Variants in NCBP3 observed in about 807,000 individuals in gnomAD.
NCBP3 encodes nuclear cap binding subunit 3, also known as nuclear cap-binding protein subunit 3.
A neutral mutation model predicts 75.7 loss-of-function variants in NCBP3; 20 were observed. The observed-to-expected ratio is 0.26, with a 90% CI of 0.19 to 0.38. NCBP3 has a LOEUF of 0.38. Ranked by LOEUF, NCBP3 falls within the 10% of genes least tolerant of loss-of-function variation. NCBP3 has a pLI of 1.00. For synonymous variants in NCBP3, 293 were observed against 290.5 expected (o/e 1.01, Z -0.09); for missense variants, 678 against 796.9 (o/e 0.85, Z 1.80).
chr17:3,832,543 ATCAC>A, intron 3 of NCBP3, among the ~76,000 whole-genome samples: 1 of 136,026 alleles, frequency 7.4e-6, no homozygotes, highest in South Asian at 2.6e-4. Flanking sequence ...AGGCAGGAGA[ATCAC>A]TTGAACCCGG....
In NCBP3 at chr17:3,821,243, A is replaced by C. The variant is rs748606831; in HGVS notation, c.1000+6T>G. The C allele has an allele frequency of 1.7e-5, 27 of 1,607,394 alleles. No individual in the cohort carries two copies. Among genetic ancestry groups the C allele is most frequent in the Non-Finnish European group, 2.2e-5 (26 of 1,174,032 alleles). On this transcript the variant is annotated splice_donor_region_variant and intron_variant, in intron 9 of 12. Transcript: ENST00000389005. ...GTGTCTACCCAAGAGCTGAGCAGGC[A>C]ACTACCAGAATGTCGATGTTTATAC...
intron 2 of NCBP3, among the ~76,000 whole-genome samples, chr17:3,840,728 C>T (rs539514982): frequency 1.3e-5 from 2 of 152,304 alleles, no homozygotes; most frequent in South Asian, 2.1e-4. Context: ...ACACCTATCA[C>T]GCTCTTCCAC....
chr17:3,843,220 T>G, intron 1 of NCBP3, 69 bp from the exon 2 acceptor site: 3 of 1,232,278 alleles, frequency 2.4e-6, no homozygotes, highest in Non-Finnish European at 3.4e-6. Flanking sequence ...AAAGTCGGCC[T>G]GACATCTGCA....
intron 3 of NCBP3, among the ~76,000 whole-genome samples, chr17:3,835,902 C>T (rs2053964503): frequency 6.6e-6 from 1 of 152,230 alleles, no homozygotes; most frequent in African/African-American, 2.4e-5. Context: ...CAGTTAGGAA[C>T]ACACGTTTCA....
chr17:3,812,754 G>T lies in NCBP3; in HGVS notation c.*290C>A. 1 of 1,227,558 alleles carries T rather than the reference G, an allele frequency of 8.1e-7. No homozygotes were observed. The highest frequency in any genetic ancestry group is 1.0e-6 in the Non-Finnish European group (1 of 976,158). The allele number at this position is 1,227,558 out of a possible 1,614,324, so 76.0% of individuals were successfully genotyped here. ...AAAGACACAATGTTAAAAATATTAA[G>T]AAAAATGTCTACAAAATCTGGAGGG... On this transcript the variant is annotated 3_prime_UTR_variant, in exon 13 of 13. Coordinates refer to ENST00000389005, the MANE Select transcript of NCBP3 (RefSeq NM_001114118.3).
Position 3,803,326 on chromosome 17 carries a change from G to A in NCBP3, c.*9718C>T, listed in dbSNP as rs2053296760. 6.6e-6 allele frequency: 1 copy of A among 152,234 alleles called. No individual in the cohort carries two copies. Among genetic ancestry groups the A allele is most frequent in the South Asian group, 2.1e-4 (1 of 4,828 alleles). The allele number at this position is 152,234 out of a possible 1,614,324, so 9.4% of individuals were successfully genotyped here. ...GGAGGCTGCAGAGAGGACAACTAAA[G>A]GCAGCGCTTGATCCTGGATTGGATC... On this transcript the variant is annotated 3_prime_UTR_variant, in exon 13 of 13. Transcript: ENST00000389005.
In NCBP3 at chr17:3,843,162, G is replaced by C. The variant is rs2054096160; in HGVS notation, c.184-11C>G. On this transcript the variant is annotated splice_polypyrimidine_tract_variant and intron_variant, in intron 1 of 12. Transcript: ENST00000389005. ...TCTTCTGCTCGTGTCCTAACACAAA[G>C]GGGAAGGGTGAGAAATTCAGACAGC... The C allele has an allele frequency of 6.4e-7, 1 of 1,550,890 alleles. No homozygotes were observed. The highest frequency in any genetic ancestry group is 8.7e-7 in the Non-Finnish European group (1 of 1,146,456).
At chr17:3,844,366 G>C (rs16953525) in intron 1 of NCBP3, among the ~76,000 whole-genome samples, 1,721 of 152,276 alleles carry the variant, frequency 0.011, 33 homozygotes, top group African/African-American at 0.039. Context: ...TACTACAGAA[G>C]TTTCCAACAA....
rs563009906 is a variant in NCBP3, at chr17:3,845,140, G to A, written c.183+901C>T. Among the ~76,000 whole-genome samples the A allele has an allele frequency of 2.4e-4, 36 of 152,244 alleles. No homozygotes were observed. In the East Asian group the frequency reaches 4.6e-3, roughly 20 times the overall value. ...AATAGCTGGCACTAAAGGCGTGCAC[G>A]GCCAGTATATTTAAGTGACACAATA... On this transcript the variant is annotated intron_variant, in intron 1 of 12. Transcript: ENST00000389005.
rs1567588331 is a variant in NCBP3 at position 3,825,802 on chromosome 17, C to T, written c.652G>A (p.Gly218Arg). 2.6e-6 allele frequency: 4 copies of T among 1,551,378 alleles called. No individual in the cohort carries two copies. Among genetic ancestry groups the T allele is most frequent in the African/African-American group, 2.7e-5 (2 of 73,032 alleles). The change falls in exon 6 of 13, where the codon GGA becomes AGA. Residue 218 changes from glycine (G) to arginine (R), a missense_variant. Coordinates refer to ENST00000389005, the MANE Select transcript of NCBP3 (RefSeq NM_001114118.3). ...DSSDDDEAEE[G>R]EVEDENSSDV... The stretch of plus-strand genomic sequence containing the variant: ...CTTGAGTTCTCATCTTCAACCTCTC[C>T]TTCTTCAGCTTCATCATCATCTGAA...
intron 3 of NCBP3, among the ~76,000 whole-genome samples, chr17:3,834,105 G>C (rs2053934215): frequency 6.6e-6 from 1 of 152,178 alleles, no homozygotes; most frequent in Non-Finnish European, 1.5e-5. Context: ...GGGTTCCCTA[G>C]AAAAGAGAAG....
chr17:3,820,926 T>G (rs922971098), intron 9 of NCBP3, among the ~76,000 whole-genome samples: 2 of 147,414 alleles, frequency 1.4e-5, no homozygotes, highest in African/African-American at 5.2e-5. Context: ...CGAGACTCCG[T>G]CTTAAAAAAA....
At chr17:3,842,721 G>C (rs1250466882) in intron 2 of NCBP3, among the ~76,000 whole-genome samples, 1 of 152,062 alleles carries the variant, frequency 6.6e-6, no homozygotes, top group East Asian at 1.9e-4. Context: ...TTTCAGCTCA[G>C]TGCAGCCTCA....
At chr17:3,836,847 C>A (rs1245655383) in intron 3 of NCBP3, among the ~76,000 whole-genome samples, 1 of 151,996 alleles carries the variant, frequency 6.6e-6, no homozygotes, top group African/African-American at 2.4e-5. Context: ...CCTGTCTGCA[C>A]ATTAAAAGTA....
intron 4 of NCBP3, among the ~76,000 whole-genome samples, chr17:3,829,013 GC>G (rs1204459614): frequency 6.6e-6 from 1 of 152,014 alleles, no homozygotes; most frequent in Non-Finnish European, 1.5e-5. Flanking sequence ...ACCTCCTAGA[GC>G]CCTGGCCACC....
chr17:3,803,876 C>G lies in NCBP3; in HGVS notation c.*9168G>C, dbSNP rs534188572. 3 of 151,442 alleles carry G rather than the reference C, an allele frequency of 2.0e-5. No individual in the cohort carries two copies. Among genetic ancestry groups the G allele is most frequent in the African/African-American group, 7.3e-5 (3 of 41,172 alleles). 9.4% of individuals were successfully genotyped at this position (151,442 alleles called of 1,614,324 possible). A position where few individuals can be genotyped will look rare whatever the true frequency, so the allele number is the denominator to read the frequency against. On this transcript the variant is annotated 3_prime_UTR_variant, in exon 13 of 13. Coordinates refer to ENST00000389005, the MANE Select transcript of NCBP3 (RefSeq NM_001114118.3). ...GGATCACAAAGTCAGGAGATCGAGA[C>G]CATCCTGGCTAACACGGTGAAACCC...
chr17:3,816,224 G>T lies in NCBP3; in HGVS notation c.1357C>A (p.Arg453=), dbSNP rs143132065. Residue 453 remains arginine (R), a synonymous_variant, in exon 11 of 13, where the codon CGA becomes AGA. Coordinates refer to ENST00000389005, the MANE Select transcript of NCBP3 (RefSeq NM_001114118.3). ...DSVSSSNIKN[R]IGNKLPPEKF... ...TCAGGTGGTAATTTGTTACCAATTC[G>T]GTTTTTGATATTGCTTGAAGATACA... 5.6e-6 allele frequency: 9 copies of T among 1,614,076 alleles called. No homozygotes were observed. The highest frequency in any genetic ancestry group is 7.6e-6 in the Non-Finnish European group (9 of 1,179,992).
intron 3 of NCBP3, among the ~76,000 whole-genome samples, chr17:3,837,221 G>T (rs566962014): frequency 6.7e-6 from 1 of 148,502 alleles, no homozygotes; most frequent in African/African-American, 2.5e-5. Flanking sequence ...ACTATCAGCC[G>T]GGCGCAGTGG....
intron 10 of NCBP3, among the ~76,000 whole-genome samples, chr17:3,817,425 T>C (rs1050819577): frequency 7.2e-5 from 11 of 151,878 alleles, no homozygotes; most frequent in African/African-American, 2.2e-4. Context: ...GGTCAGGAGA[T>C]TGAGACCATC....
Sources: allele counts gnomAD v4.1 joint callset (sites outside exome capture counted in the v4.1 genomes callset), GRCh38; gene constraint gnomAD v4.1.1; transcripts MANE v1.5; gene names NCBI Gene and HGNC (gene_info 2026-07-23, HGNC 2026-07-21).